The following NEO1 variants were observed in gnomAD, a reference collection of about 807,000 sequenced individuals.
The protein encoded by NEO1 is neogenin.
Under a neutral mutation model 159.7 loss-of-function variants are expected in NEO1, and 63 were observed. The observed-to-expected ratio is 0.39, with a 90% CI of 0.32 to 0.49. The LOEUF is 0.49. Among genes scored for constraint, NEO1 ranks in the 20% least tolerant of loss-of-function variants. NEO1 has a pLI of 0.85. For synonymous variants in NEO1, 633 were observed against 662.0 expected, an observed-to-expected ratio of 0.96 and a Z score of 0.67; for missense variants, 1,615 against 1,831.0, an observed-to-expected ratio of 0.88 and a Z score of 2.15.
At chr15:73,178,227 C>A in intron 6 of NEO1, 80 bp from the exon 7 acceptor site, 1 of 1,362,028 alleles carries the variant, frequency 7.3e-7, no homozygotes, top group Non-Finnish European at 1.0e-6. Flanking sequence ...TTTTTCCTCT[C>A]CAAAAAGCAT....
chr15:73,146,389 G>A (rs894045586), intron 5 of NEO1, among the ~76,000 whole-genome samples: 3 of 152,110 alleles, frequency 2.0e-5, no homozygotes, highest in Admixed American at 2.0e-4. Context: ...TTCTTTTATA[G>A]TATGCTATCT....
At chr15:73,166,260 G>A (rs142063808) in intron 5 of NEO1, among the ~76,000 whole-genome samples, 15 of 152,254 alleles carry the variant, frequency 9.9e-5, no homozygotes, top group South Asian at 4.1e-4. Flanking sequence ...TTGGTACAGC[G>A]AAAAGTATAG....
chr15:73,185,273 A>G (rs1013024725), intron 7 of NEO1, among the ~76,000 whole-genome samples: 3 of 152,200 alleles, frequency 2.0e-5, no homozygotes, highest in Non-Finnish European at 2.9e-5. Context: ...AATATAAACT[A>G]TGGACTTTGG....
At chr15:73,239,807 A>G (rs1305301122) in intron 8 of NEO1, among the ~76,000 whole-genome samples, 2 of 152,230 alleles carry the variant, frequency 1.3e-5, no homozygotes, top group African/African-American at 4.8e-5. Context: ...TAAGCAGTGC[A>G]TGACTGTATG....
chr15:73,283,035 G>C lies in NEO1; in HGVS notation c.3334G>C (p.Val1112Leu), dbSNP rs370070811. The C allele has an allele frequency of 8.7e-6, 14 of 1,614,182 alleles. No homozygotes were observed. The highest frequency in any genetic ancestry group is 1.7e-5 in the Admixed American group (1 of 60,020). The change falls in exon 23 of 29, where the codon GTT (valine) becomes CTT (leucine). Residue 1112 changes from valine to leucine, a missense_variant. Transcript: ENST00000261908. The stretch of plus-strand genomic sequence containing the variant: ...TATGCTGCTGGTCATAATTGTTTCT[G>C]TTGGCGTCATCACCATCGTGGTGGT... ...SNMLLVIIVS[V>L]GVITIVVVVI... is the part of the protein sequence containing the mutation.
intron 5 of NEO1, among the ~76,000 whole-genome samples, chr15:73,175,328 C>T (rs947840770): frequency 6.6e-6 from 1 of 152,130 alleles, no homozygotes; most frequent in Non-Finnish European, 1.5e-5. Flanking sequence ...TAAAGTACCA[C>T]TTAGAATAGC....
At chr15:73,296,702 A>G (rs2042385692) in intron 26 of NEO1, among the ~76,000 whole-genome samples, 1 of 152,118 alleles carries the variant, frequency 6.6e-6, no homozygotes, top group Non-Finnish European at 1.5e-5. Flanking sequence ...GAAGTCGCAT[A>G]TAGTACTGAA....
chr15:73,215,515 T>C (rs1237274511), intron 7 of NEO1, among the ~76,000 whole-genome samples: 2 of 152,206 alleles, frequency 1.3e-5, no homozygotes, highest in Admixed American at 6.5e-5. Context: ...TGTCAAATGC[T>C]TTCTCTGCAT....
At chr15:73,164,918 C>T (rs1250816512) in intron 5 of NEO1, among the ~76,000 whole-genome samples, 1 of 152,100 alleles carries the variant, frequency 6.6e-6, no homozygotes, top group African/African-American at 2.4e-5. Flanking sequence ...TATTGGTTGA[C>T]TCAGTCTGTA....
chr15:73,293,276 G>A (rs1196699975), intron 25 of NEO1, 114 bp from the exon 26 acceptor site: 4 of 1,283,486 alleles, frequency 3.1e-6, no homozygotes, highest in East Asian at 2.3e-5. Context: ...AAAAACCAAG[G>A]GAGTGTTTGG....
intron 8 of NEO1, among the ~76,000 whole-genome samples, chr15:73,241,308 G>T (rs548755775): frequency 6.6e-6 from 1 of 152,324 alleles, no homozygotes; most frequent in Non-Finnish European, 1.5e-5. Flanking sequence ...TAGTCAAGGG[G>T]TTAGCAAACC....
chr15:73,085,100 T>TA (rs1017015704), intron 1 of NEO1, among the ~76,000 whole-genome samples: 1 of 151,868 alleles, frequency 6.6e-6, no homozygotes, highest in Non-Finnish European at 1.5e-5. Context: ...AAAAAGTTTT[T>TA]TTTTAAACTA....
At chr15:73,215,163 C>A (rs1812835) in intron 7 of NEO1, among the ~76,000 whole-genome samples, 48,946 of 152,024 alleles carry the variant, frequency 0.32, 9,071 homozygotes, top group Admixed American at 0.45. Context: ...TTTATCAGTT[C>A]TAGGAGCTTT....
chr15:73,104,153 C>T (rs759754715), intron 1 of NEO1, among the ~76,000 whole-genome samples: 1 of 152,108 alleles, frequency 6.6e-6, no homozygotes, highest in African/African-American at 2.4e-5. Context: ...TGAGCCACTG[C>T]GACTGGCCAA....
chr15:73,117,553 A>C (rs2071395129), intron 2 of NEO1, among the ~76,000 whole-genome samples: 1 of 152,186 alleles, frequency 6.6e-6, no homozygotes, highest in South Asian at 2.1e-4. Context: ...CAAAAATGTT[A>C]TCTTTAAGTC....
At chr15:73,223,634 A>G (rs561182549) in intron 7 of NEO1, among the ~76,000 whole-genome samples, 1 of 152,168 alleles carries the variant, frequency 6.6e-6, no homozygotes, top group Non-Finnish European at 1.5e-5. Flanking sequence ...TTTGCATGCA[A>G]TGCCTTTTTC....
chr15:73,300,980 C>A (rs1291853588), intron 27 of NEO1, among the ~76,000 whole-genome samples: 1 of 152,174 alleles, frequency 6.6e-6, no homozygotes, highest in Non-Finnish European at 1.5e-5. Flanking sequence ...CCTTTGTATC[C>A]TCAGTGCAAA....
chr15:73,174,246 G>A lies in NEO1; in HGVS notation c.1016-2157G>A, dbSNP rs374807747. On this transcript the variant is annotated intron_variant, in intron 5 of 28. Transcript: ENST00000261908. ...AGAGAATCCAAAAATCAGGAAGACT[G>A]TTGTTCAGACCTTGTTGAAGAAAGT... Among the ~76,000 whole-genome samples the A allele has an allele frequency of 7.2e-5, 11 of 152,312 alleles. No individual in the cohort carries two copies. The East Asian group carries it at 9.6e-4, about 13-fold the overall frequency.
intron 8 of NEO1, among the ~76,000 whole-genome samples, chr15:73,236,718 G>A (rs1441899608): frequency 1.3e-5 from 2 of 152,202 alleles, no homozygotes; most frequent in African/African-American, 2.4e-5. Flanking sequence ...TAGGGAGAGG[G>A]TAGATACAGC....
Sources: allele counts gnomAD v4.1 joint callset (sites outside exome capture counted in the v4.1 genomes callset), GRCh38; gene constraint gnomAD v4.1.1; transcripts MANE v1.5; gene names NCBI Gene and HGNC (gene_info 2026-07-23, HGNC 2026-07-21).